Variants in KLRF1 observed in about 807,000 individuals in gnomAD.
KLRF1 encodes killer cell lectin-like receptor subfamily F member 1.
A neutral mutation model predicts 30.7 loss-of-function variants in KLRF1; 27 were observed. The observed-to-expected ratio is 0.88, with a 90% confidence interval of 0.65 to 1.21. KLRF1 has a LOEUF of 1.21. Ranked by LOEUF, KLRF1 falls within the 50% of genes most tolerant of loss-of-function variation. The pLI is 0.00. For missense variants in KLRF1, 246 were observed against 259.3 expected (o/e 0.95, Z 0.35); for synonymous variants, 92 against 89.3 (o/e 1.03, Z -0.17).
At chr12:9,817,764 C>T in the KLRF1 span, 13 of 206,850 alleles carry the variant, frequency 6.3e-5, no homozygotes, top group Non-Finnish European at 1.2e-4. Context: ...CCTTCCTTTT[C>T]CTTGATTATT....
At position 9,842,342 on chromosome 12, in the gene KLRF1, A is replaced by G. The variant is rs1867721672; in HGVS notation, c.496A>G (p.Arg166Gly). Residue 166 changes from arginine (R) to glycine (G), a missense_variant, in exon 5 of 6, where the codon AGA (arginine) becomes GGA (glycine). By Grantham distance (125) the Arg-to-Gly change is moderately radical. Transcript: ENST00000617889. ...LEMAFIQKNLRQLNYVWIGLN... is the reference protein window; with the variant it reads ...LEMAFIQKNLGQLNYVWIGLN... ...TTAGGCTTTTATACAGAAAAACCTA[A>G]GACAATTAAACTACGTATGGATTGG... The G allele has an allele frequency of 1.2e-6, 2 of 1,612,120 alleles. No individual in the cohort carries two copies. The highest frequency in any genetic ancestry group is 8.5e-7 in the Non-Finnish European group (1 of 1,178,686).
chr12:9,843,054 G>T (rs1183460187), intron 5 of KLRF1, among the ~76,000 whole-genome samples: 2 of 152,120 alleles, frequency 1.3e-5, no homozygotes, highest in Non-Finnish European at 2.9e-5. Context: ...GCCTTTGCAG[G>T]TATGATTAAA....
chr12:9,805,958 T>C, the KLRF1 span, among the ~76,000 whole-genome samples: 1 of 152,216 alleles, frequency 6.6e-6, no homozygotes, highest in Middle Eastern at 3.4e-3. Context: ...TTTGTTGATA[T>C]CTTCAAAGAA....
chr12:9,814,668 G>A, the KLRF1 span, among the ~76,000 whole-genome samples: 1 of 152,202 alleles, frequency 6.6e-6, no homozygotes, highest in East Asian at 1.9e-4. Context: ...GCCTGGTACG[G>A]CCCACAAGTG....
At chr12:9,818,317 T>C in the KLRF1 span, among the ~76,000 whole-genome samples, 242 of 152,342 alleles carry the variant, frequency 1.6e-3, 2 homozygotes, top group African/African-American at 5.5e-3. Flanking sequence ...TACCTGTCCA[T>C]GTCTGGTCTT....
At chr12:9,812,963 G>C in the KLRF1 span, among the ~76,000 whole-genome samples, 1 of 152,136 alleles carries the variant, frequency 6.6e-6, no homozygotes, top group Admixed American at 6.5e-5. Context: ...GAGGATATGA[G>C]AGCATTCATC....
At chr12:9,803,643 T>C in the KLRF1 span, among the ~76,000 whole-genome samples, 1 of 151,652 alleles carries the variant, frequency 6.6e-6, no homozygotes, top group African/African-American at 2.4e-5. Flanking sequence ...ATTTTTCTCT[T>C]CTTCTTATTT....
At chr12:9,805,994 C>T in the KLRF1 span, among the ~76,000 whole-genome samples, 1 of 151,748 alleles carries the variant, frequency 6.6e-6, no homozygotes, top group Admixed American at 6.6e-5. Flanking sequence ...TTGATTTTAT[C>T]TATTGATTTC....
At chr12:9,817,746 G>A in the KLRF1 span, 2 of 208,546 alleles carry the variant, frequency 9.6e-6, no homozygotes, top group Non-Finnish European at 2.1e-5. Flanking sequence ...GATATTTTTT[G>A]GTCTTTGCCT....
upstream of KLRF1, among the ~76,000 whole-genome samples, chr12:9,824,857 A>G (rs1867263108): frequency 6.6e-6 from 1 of 152,166 alleles, no homozygotes; most frequent in Admixed American, 6.6e-5. Context: ...CAGGAATGCA[A>G]TTCCATTTAT....
the KLRF1 span, among the ~76,000 whole-genome samples, chr12:9,808,175 T>A: frequency 6.6e-6 from 1 of 152,284 alleles, no homozygotes; most frequent in Admixed American, 6.5e-5. Context: ...AATTGTGCAG[T>A]TTAATACATT....
the KLRF1 span, among the ~76,000 whole-genome samples, chr12:9,800,442 G>GT: frequency 1.3e-5 from 2 of 151,952 alleles, no homozygotes; most frequent in East Asian, 3.9e-4. Flanking sequence ...CCAATATGTA[G>GT]TTTTTTATTC....
At chr12:9,843,865 A>G (rs2136969709) in intron 5 of KLRF1, among the ~76,000 whole-genome samples, 1 of 152,282 alleles carries the variant, frequency 6.6e-6, no homozygotes, top group East Asian at 1.9e-4. Context: ...AAACAAATTT[A>G]TCAGAATGTA....
At chr12:9,828,707 T>TA (rs1867340314) in intron 1 of KLRF1, among the ~76,000 whole-genome samples, 1 of 152,214 alleles carries the variant, frequency 6.6e-6, no homozygotes, top group Admixed American at 6.5e-5. Flanking sequence ...TGATTCATCT[T>TA]AGAGTTACAT....
chr12:9,840,080 A>G (rs994178231), intron 3 of KLRF1, among the ~76,000 whole-genome samples: 1 of 152,116 alleles, frequency 6.6e-6, no homozygotes, highest in African/African-American at 2.4e-5. Flanking sequence ...ATTGTGCTGA[A>G]TGAATGAAAA....
chr12:9,842,190 A>G (rs1372983861), intron 4 of KLRF1, 131 bp from the exon 5 acceptor site: 2 of 929,292 alleles, frequency 2.2e-6, no homozygotes, highest in Admixed American at 2.7e-5. Context: ...TAATGTGTGT[A>G]TAAGTAAGAT....
At chr12:9,812,590 A>G in the KLRF1 span, among the ~76,000 whole-genome samples, 2 of 152,152 alleles carry the variant, frequency 1.3e-5, no homozygotes, top group East Asian at 3.8e-4. Flanking sequence ...TATGGCAATT[A>G]ATAACCCTGG....
At chr12:9,828,521 A>G (rs1439288673) in intron 1 of KLRF1, among the ~76,000 whole-genome samples, 1 of 152,214 alleles carries the variant, frequency 6.6e-6, no homozygotes, top group Non-Finnish European at 1.5e-5. Context: ...CAATTCCATC[A>G]TGCCACCTTA....
At chr12:9,814,092 G>A in the KLRF1 span, among the ~76,000 whole-genome samples, 1 of 152,158 alleles carries the variant, frequency 6.6e-6, no homozygotes, top group African/African-American at 2.4e-5. Flanking sequence ...AGTGGCACAA[G>A]GCTGATTGGT....
Sources: gnomAD v4.1 joint callset for allele counts (sites outside exome capture counted in the v4.1 genomes callset) on GRCh38, gnomAD v4.1.1 for gene constraint, MANE v1.5 for transcripts, NCBI Gene and HGNC (gene_info 2026-07-23, HGNC 2026-07-21) for gene names.